The following KAZN variants were observed in gnomAD, a reference collection of about 807,000 sequenced individuals.
KAZN encodes kazrin.
KAZN carries 40 observed loss-of-function variants against 87.4 expected under a neutral mutation model. That is an observed-to-expected ratio of 0.46 (90% confidence interval 0.36 to 0.60). The LOEUF is 0.60. Among genes scored for constraint, KAZN ranks in the 20% least tolerant of loss-of-function variants. The probability of loss-of-function intolerance (pLI) is 0.00; values close to 1 mark genes in which losing one functional copy is unlikely to be tolerated. For missense variants in KAZN, 898 were observed against 1,073.9 expected (o/e 0.84, Z 2.29); for synonymous variants, 466 against 458.3 (o/e 1.02, Z -0.22).
At chr1:14,214,760 C>T (rs138524446) in intron 2 of KAZN, among the ~76,000 whole-genome samples, 117 of 152,294 alleles carry the variant, frequency 7.7e-4, no homozygotes, top group African/African-American at 2.6e-3. Context: ...GACTGTGGTA[C>T]AAGATGATTT....
In KAZN at chr1:15,104,106, C is replaced by T. The variant is rs757146266; in HGVS notation, c.1965C>T (p.Ala655=). The change falls in exon 13 of 15, where the codon GCC becomes GCT. Residue 655 remains alanine (A), a synonymous_variant. Transcript: ENST00000376030. ...CCACATTCAATGCCGAGGCCATGGCCACTGCCCTGGGCATCCCCAGTGGGA... is the reference window on the plus strand; with the variant it reads ...CCACATTCAATGCCGAGGCCATGGCTACTGCCCTGGGCATCCCCAGTGGGA... ...LEPTFNAEAM[A]TALGIPSGKH... 4.3e-6 allele frequency: 7 copies of T among 1,612,106 alleles called. No individual in the cohort carries two copies. The East Asian group carries it at 1.6e-4, about 36-fold the overall frequency.
At chr1:14,358,572 T>G (rs1659239144) in intron 2 of KAZN, among the ~76,000 whole-genome samples, 3 of 152,206 alleles carry the variant, frequency 2.0e-5, no homozygotes, top group Admixed American at 1.3e-4. Flanking sequence ...GTGCTATAAA[T>G]TTCCCTTTAA....
At chr1:14,396,850 C>T (rs1470812294) in intron 2 of KAZN, among the ~76,000 whole-genome samples, 1 of 151,886 alleles carries the variant, frequency 6.6e-6, no homozygotes, top group Non-Finnish European at 1.5e-5. Flanking sequence ...TGCCTTTTCT[C>T]TAATGTCAGC....
intron 2 of KAZN, among the ~76,000 whole-genome samples, chr1:14,258,753 A>G (rs1490460769): frequency 6.6e-6 from 1 of 152,186 alleles, no homozygotes; most frequent in Non-Finnish European, 1.5e-5. Context: ...CCTGTCTGTC[A>G]AGCCTCTGTG....
At chr1:15,009,829 T>G (rs539222463) in intron 2 of KAZN, among the ~76,000 whole-genome samples, 11 of 152,370 alleles carry the variant, frequency 7.2e-5, no homozygotes, top group African/African-American at 2.6e-4. Context: ...TGGCCAATTC[T>G]GTCTCACCCT....
At chr1:14,371,591 C>A (rs1660488813) in intron 2 of KAZN, among the ~76,000 whole-genome samples, 1 of 152,010 alleles carries the variant, frequency 6.6e-6, no homozygotes, top group African/African-American at 2.4e-5. Flanking sequence ...TTCTTGGTAC[C>A]CTCTTGGAAG....
intron 1 of KAZN, among the ~76,000 whole-genome samples, chr1:14,731,907 G>A (rs960777005): frequency 1.3e-5 from 2 of 152,216 alleles, no homozygotes; most frequent in Admixed American, 6.5e-5. Context: ...GATCACATAC[G>A]TCAGTTACAC....
At chr1:14,940,250 G>T (rs1342643008) in intron 1 of KAZN, among the ~76,000 whole-genome samples, 1 of 152,228 alleles carries the variant, frequency 6.6e-6, no homozygotes, top group Non-Finnish European at 1.5e-5. Context: ...TGTTCCCCTT[G>T]AGTTTGAATA....
chr1:14,972,573 T>C (rs1329177040), intron 2 of KAZN, among the ~76,000 whole-genome samples: 1 of 151,386 alleles, frequency 6.6e-6, no homozygotes, highest in African/African-American at 2.4e-5. Context: ...TAGAGTGCAA[T>C]GGCACAATCT....
intron 2 of KAZN, among the ~76,000 whole-genome samples, chr1:14,329,936 A>C (rs1366246551): frequency 6.6e-6 from 1 of 151,714 alleles, no homozygotes; most frequent in African/African-American, 2.4e-5. Flanking sequence ...CTAATTTCAT[A>C]AAACATGCAA....
intron 1 of KAZN, among the ~76,000 whole-genome samples, chr1:13,918,838 T>A (rs1237632460): frequency 2.0e-5 from 3 of 152,236 alleles, no homozygotes; most frequent in Non-Finnish European, 4.4e-5. Flanking sequence ...TTTTTTATTT[T>A]TTATTTTTTT....
intron 1 of KAZN, among the ~76,000 whole-genome samples, chr1:14,932,432 G>C (rs1016587262): frequency 6.6e-6 from 1 of 152,196 alleles, no homozygotes; most frequent in African/African-American, 2.4e-5. Flanking sequence ...GGGAAGCCAA[G>C]GGGCCTGGGA....
chr1:14,015,644 C>A (rs1285221330), intron 1 of KAZN, among the ~76,000 whole-genome samples: 9 of 148,882 alleles, frequency 6.0e-5, no homozygotes, highest in Admixed American at 3.3e-4. Flanking sequence ...CCACACCCAG[C>A]TCACACCTGT....
intron 2 of KAZN, among the ~76,000 whole-genome samples, chr1:15,026,304 A>C (rs974951342): frequency 5.9e-5 from 9 of 152,230 alleles, no homozygotes; most frequent in African/African-American, 2.2e-4. Flanking sequence ...GTCCTGTCAC[A>C]TAGAGCCTTG....
chr1:14,525,151 T>C lies in KAZN; in HGVS notation c.250-73832T>C, dbSNP rs1338504417. On this transcript the variant is annotated intron_variant, in intron 2 of 16. Coordinates refer to the KAZN transcript ENST00000636203. ...ATGTATGGACGTGTGTTTGAATATGTGCATGCATGCATGTATGTGTATGTA... is the reference window on the plus strand; with the variant it reads ...ATGTATGGACGTGTGTTTGAATATGCGCATGCATGCATGTATGTGTATGTA... Among the ~76,000 whole-genome samples, 3 of 152,238 alleles carry C rather than the reference T, an allele frequency of 2.0e-5. No homozygotes were observed. The East Asian group carries it at 5.8e-4, about 29-fold the overall frequency.
intron 2 of KAZN, among the ~76,000 whole-genome samples, chr1:14,461,667 A>C (rs1183423953): frequency 6.6e-6 from 1 of 152,202 alleles, no homozygotes; most frequent in Non-Finnish European, 1.5e-5. Context: ...GGGACAAGAC[A>C]TGACTAAAGC....
At chr1:13,992,763 A>G (rs770425759) in intron 1 of KAZN, among the ~76,000 whole-genome samples, 20 of 152,112 alleles carry the variant, frequency 1.3e-4, no homozygotes, top group Non-Finnish European at 1.3e-4. Flanking sequence ...GGGGTGGACA[A>G]TGTGGTCATC....
At chr1:14,127,402 T>G (rs1260433349) in intron 1 of KAZN, among the ~76,000 whole-genome samples, 3 of 151,148 alleles carry the variant, frequency 2.0e-5, no homozygotes, top group Non-Finnish European at 4.4e-5. Flanking sequence ...TACTGTTGTT[T>G]TTTTTTTTTT....
At chr1:14,002,359 T>C (rs1023225709) in intron 1 of KAZN, among the ~76,000 whole-genome samples, 26 of 152,056 alleles carry the variant, frequency 1.7e-4, no homozygotes, top group African/African-American at 6.3e-4. Context: ...CAGAGGGAGG[T>C]AATTGAATCA....
Sources: allele counts gnomAD v4.1 joint callset (sites outside exome capture counted in the v4.1 genomes callset), GRCh38; gene constraint gnomAD v4.1.1; transcripts MANE v1.5; gene names NCBI Gene and HGNC (gene_info 2026-07-23, HGNC 2026-07-21).